LRMDA: variants seen among roughly 807,000 people sequenced by gnomAD.
LRMDA encodes the protein leucine rich melanocyte differentiation associated, also known as leucine-rich melanocyte differentiation-associated protein.
A neutral mutation model predicts 29.8 loss-of-function variants in LRMDA; 18 were observed. The observed-to-expected ratio is 0.60, with a 90% CI of 0.42 to 0.90. The LOEUF is 0.90. Ranked by LOEUF, LRMDA falls within the 40% of genes least tolerant of loss-of-function variation. The pLI is 0.00. For synonymous variants in LRMDA, 125 were observed against 109.4 expected, an observed-to-expected ratio of 1.14 and a Z score of -0.89; for missense variants, 273 against 273.9, an observed-to-expected ratio of 1.00 and a Z score of 0.02.
At chr10:75,976,279 A>G (rs953011684) in intron 2 of LRMDA, among the ~76,000 whole-genome samples, 2 of 152,240 alleles carry the variant, frequency 1.3e-5, no homozygotes, top group African/African-American at 4.8e-5. Flanking sequence ...ATCTTTAACA[A>G]GCTATTCCTT....
intron 2 of LRMDA, among the ~76,000 whole-genome samples, chr10:75,858,629 C>G (rs1001760312): frequency 1.3e-5 from 2 of 152,074 alleles, no homozygotes; most frequent in African/African-American, 4.8e-5. Flanking sequence ...CTTCCCATCC[C>G]CCTCCTTTCT....
At chr10:75,715,148 C>G (rs79758434) in intron 2 of LRMDA, among the ~76,000 whole-genome samples, 1 of 152,074 alleles carries the variant, frequency 6.6e-6, no homozygotes, top group African/African-American at 2.4e-5. Context: ...GGCTGCGGTA[C>G]GTGCGGGCAG....
chr10:75,654,250 G>A (rs1447522566), intron 2 of LRMDA, among the ~76,000 whole-genome samples: 1 of 152,196 alleles, frequency 6.6e-6, no homozygotes, highest in Non-Finnish European at 1.5e-5. Flanking sequence ...ATGACTGTGG[G>A]TAGGTGTCTT....
chr10:75,777,860 ATATT>A (rs1843332866), intron 2 of LRMDA, among the ~76,000 whole-genome samples: 2 of 152,208 alleles, frequency 1.3e-5, no homozygotes, highest in African/African-American at 4.8e-5. Flanking sequence ...CTATAAATAT[ATATT>A]TATATATAAC....
intron 5 of LRMDA, among the ~76,000 whole-genome samples, chr10:76,198,250 G>A: frequency 6.6e-6 from 1 of 152,180 alleles, no homozygotes; most frequent in African/African-American, 2.4e-5. Flanking sequence ...AAACCACCTG[G>A]AGATTTTGTT....
chr10:75,614,830 T>C (rs1213215375), intron 2 of LRMDA, among the ~76,000 whole-genome samples: 2 of 152,082 alleles, frequency 1.3e-5, no homozygotes, highest in Non-Finnish European at 2.9e-5. Context: ...GATATCCTTG[T>C]TATAACCTGA....
At chr10:75,489,170 T>G (rs1206005268) in intron 2 of LRMDA, among the ~76,000 whole-genome samples, 2 of 149,818 alleles carry the variant, frequency 1.3e-5, no homozygotes, top group Non-Finnish European at 2.9e-5. Context: ...GACATCTCAC[T>G]GTACAGCAGT....
intron 6 of LRMDA, among the ~76,000 whole-genome samples, chr10:76,329,261 T>C (rs998822143): frequency 1.3e-5 from 2 of 152,188 alleles, no homozygotes; most frequent in South Asian, 4.1e-4. Context: ...AAGCAGATGG[T>C]GGTAATGGTA....
intron 6 of LRMDA, among the ~76,000 whole-genome samples, chr10:76,552,986 C>T (rs1170356241): frequency 1.3e-5 from 2 of 152,154 alleles, no homozygotes; most frequent in Non-Finnish European, 2.9e-5. Context: ...ATGTCCATTC[C>T]AGAGGGGAAA....
intron 2 of LRMDA, among the ~76,000 whole-genome samples, chr10:75,635,361 G>A (rs1841378207): frequency 6.6e-6 from 1 of 152,048 alleles, no homozygotes; most frequent in Admixed American, 6.5e-5. Context: ...CCTTTCGCAT[G>A]GTATGATGGC....
chr10:76,539,580 G>A (rs997696335), intron 6 of LRMDA, among the ~76,000 whole-genome samples: 1 of 152,082 alleles, frequency 6.6e-6, no homozygotes, highest in Non-Finnish European at 1.5e-5. Context: ...CCAGGGGTGG[G>A]CAGAGGGCCT....
chr10:76,117,189 T>C (rs184309399), intron 5 of LRMDA, among the ~76,000 whole-genome samples: 2 of 152,296 alleles, frequency 1.3e-5, no homozygotes, highest in Admixed American at 6.5e-5. Context: ...ATGGCAAAGC[T>C]GCACTCAGTG....
chr10:76,345,203 A>G (rs1841090253), intron 6 of LRMDA, among the ~76,000 whole-genome samples: 1 of 149,034 alleles, frequency 6.7e-6, no homozygotes, highest in African/African-American at 2.5e-5. Context: ...AGTAGCTGGG[A>G]CTACAGGCGC....
At chr10:76,257,336 C>CTT (rs35378191) in intron 5 of LRMDA, among the ~76,000 whole-genome samples, 174 of 142,092 alleles carry the variant, frequency 1.2e-3, no homozygotes, top group South Asian at 4.6e-3. Flanking sequence ...TTTTCTTTTT[C>CTT]TTTTTTTTTT....
chr10:75,491,763 G>A lies in LRMDA; in HGVS notation c.131+53269G>A, dbSNP rs56134920. ...GTCTTGACTGGTTTGAGAATGTGCTGTCTTCTCCTCTGTCTTCTCTGAGGC... is the reference window on the plus strand; with the variant it reads ...GTCTTGACTGGTTTGAGAATGTGCTATCTTCTCCTCTGTCTTCTCTGAGGC... On this transcript the variant is annotated intron_variant, in intron 2 of 6. Coordinates refer to ENST00000611255, the MANE Select transcript of LRMDA (RefSeq NM_001305581.2). Among the ~76,000 whole-genome samples, 258 of 152,284 alleles carry A rather than the reference G, an allele frequency of 1.7e-3. 1 individual carries two copies. Among genetic ancestry groups the A allele is most frequent in the African/African-American group, 5.8e-3 (242 of 41,564 alleles).
intron 5 of LRMDA, among the ~76,000 whole-genome samples, chr10:76,272,097 A>T (rs559614054): frequency 6.6e-6 from 1 of 152,318 alleles, no homozygotes; most frequent in South Asian, 2.1e-4. Flanking sequence ...CTTCTCCTGG[A>T]GGATAGCATA....
At chr10:76,363,317 AAAAAG>A (rs537896967) in intron 6 of LRMDA, among the ~76,000 whole-genome samples, 54 of 122,310 alleles carry the variant, frequency 4.4e-4, no homozygotes, top group South Asian at 1.4e-3. Context: ...GGGAGGAAGG[AAAAAG>A]AAAAGAAAAG....
chr10:76,286,872 T>C (rs1209016700), intron 5 of LRMDA, among the ~76,000 whole-genome samples: 5 of 152,236 alleles, frequency 3.3e-5, no homozygotes, highest in African/African-American at 4.8e-5. Context: ...CAGCCCATAA[T>C]GTCATAGCAG....
At chr10:75,855,605 T>G (rs904402480) in intron 2 of LRMDA, among the ~76,000 whole-genome samples, 4 of 152,232 alleles carry the variant, frequency 2.6e-5, no homozygotes, top group African/African-American at 9.6e-5. Context: ...TTTGTTTCCA[T>G]TGCTTTTGGT....
Sources: allele counts gnomAD v4.1 joint callset (sites outside exome capture counted in the v4.1 genomes callset), GRCh38; gene constraint gnomAD v4.1.1; transcripts MANE v1.5; gene names NCBI Gene and HGNC (gene_info 2026-07-23, HGNC 2026-07-21).